The following KLK3 variants were observed in gnomAD, a reference collection of about 807,000 sequenced individuals.
KLK3 encodes prostate-specific antigen.
Under a neutral mutation model 27.7 loss-of-function variants are expected in KLK3, and 23 were observed. The observed-to-expected ratio is 0.83, with a 90% CI of 0.60 to 1.17. KLK3 has a LOEUF of 1.17. Ranked by LOEUF, KLK3 falls within the 50% of genes most tolerant of loss-of-function variation. The probability of loss-of-function intolerance (pLI) is 0.00; values close to 1 mark genes in which losing one functional copy is unlikely to be tolerated. For synonymous variants in KLK3, 142 were observed against 134.2 expected, an observed-to-expected ratio of 1.06 and a Z score of -0.40; for missense variants, 322 against 338.1, an observed-to-expected ratio of 0.95 and a Z score of 0.37.
In KLK3 at chr19:50,859,999, A is replaced by G; in HGVS notation, c.658A>G (p.Asn220Asp). ...SGDSGGPLVCNGVLQGITSWG... is the reference protein window; with the variant it reads ...SGDSGGPLVCDGVLQGITSWG... ...TGATTCTGGGGGCCCACTTGTCTGT[A>G]ATGGTGTGCTTCAAGGTATCACGTC... The change falls in exon 5 of 5, where the codon AAT becomes GAT. Residue 220 changes from asparagine to aspartate, a missense_variant. Coordinates refer to ENST00000326003, the MANE Select transcript of KLK3 (RefSeq NM_001648.2). 1.2e-6 allele frequency: 2 copies of G among 1,613,894 alleles called. No individual in the cohort carries two copies. The highest frequency in any genetic ancestry group is 1.7e-6 in the Non-Finnish European group (2 of 1,179,846).
At chr19:50,859,558 T>G in intron 4 of KLK3, 1 of 1,613,690 alleles carries the variant, frequency 6.2e-7, no homozygotes, top group East Asian at 2.2e-5. Context: ...GAACTGACCA[T>G]GCCAGCCCTG....
chr19:50,859,535 C>A, intron 4 of KLK3: 2 of 1,612,892 alleles, frequency 1.2e-6, no homozygotes, highest in South Asian at 2.2e-5. Context: ...CACAGTGGGT[C>A]ATTCTGATCA....
Position 50,858,194 on chromosome 19 carries a change from C to G in KLK3, c.372C>G (p.Leu124=). Residue 124 remains leucine (L), a synonymous_variant, in exon 3 of 5, where the codon CTC becomes CTG. Coordinates refer to ENST00000326003, the MANE Select transcript of KLK3 (RefSeq NM_001648.2). ...GDDSSHDLML[L]RLSEPAELTD... ...ACTCCAGCCACGACCTCATGCTGCT[C>G]CGCCTGTCAGAGCCTGCCGAGCTCA... is the stretch of plus-strand genomic sequence containing the variant. 1 of 1,614,266 alleles carries G rather than the reference C, an allele frequency of 6.2e-7. No individual in the cohort carries two copies. Among genetic ancestry groups the G allele is most frequent in the African/African-American group, 1.3e-5 (1 of 75,064 alleles).
Position 50,860,116 on chromosome 19 carries a change from G to A in KLK3, c.775G>A (p.Ala259Thr), listed in dbSNP as rs2090175807. 2 of 1,612,986 alleles carry A rather than the reference G, an allele frequency of 1.2e-6. No homozygotes were observed. Among genetic ancestry groups the A allele is most frequent in the Non-Finnish European group, 1.7e-6 (2 of 1,179,282 alleles). The change falls in exon 5 of 5, where the codon GCC becomes ACC. Residue 259 changes from alanine (A) to threonine (T), a missense_variant. Physicochemically the swap from Ala to Thr is moderately conservative, Grantham distance 58. Coordinates refer to ENST00000326003, the MANE Select transcript of KLK3 (RefSeq NM_001648.2). ...GAAGTGGATCAAGGACACCATCGTG[G>A]CCAACCCCTGAGCACCCCTATCAAC... The part of the protein sequence containing the change: ...YRKWIKDTIV[A>T]NP
In KLK3 at chr19:50,858,327, C is replaced by A. The variant is rs764030989; in HGVS notation, c.493+12C>A. 6.2e-6 allele frequency: 10 copies of A among 1,608,668 alleles called. No homozygotes were observed. Among genetic ancestry groups the A allele is most frequent in the Non-Finnish European group, 8.5e-6 (10 of 1,176,694 alleles). On this transcript the variant is annotated intron_variant, in intron 3 of 4. Coordinates refer to ENST00000326003, the MANE Select transcript of KLK3 (RefSeq NM_001648.2). ...TGAACCAGAGGAGTGTACGCCTGGG[C>A]CAGATGGTGCAGCCGGGAGCCCAGA...
chr19:50,859,331 G>C (rs74459584), intron 4 of KLK3, among the ~76,000 whole-genome samples: 1 of 151,814 alleles, frequency 6.6e-6, no homozygotes, highest in African/African-American at 2.4e-5. Flanking sequence ...CCTGGCTCAG[G>C]TGTCCAGAGG....
intron 1 of KLK3, chr19:50,855,210 C>T (rs1411062092): frequency 1.7e-5 from 10 of 580,892 alleles, no homozygotes; most frequent in East Asian, 1.4e-4. Context: ...CTCCCTCCCA[C>T]TTACCCCAGA....
Position 50,860,130 on chromosome 19 carries a change from A to T in KLK3, c.*3A>T. 6.2e-7 allele frequency: 1 copy of T among 1,602,108 alleles called. No individual in the cohort carries two copies. ...ACACCATCGTGGCCAACCCCTGAGC[A>T]CCCCTATCAACCCCCTATTGTAGTA... is the stretch of plus-strand genomic sequence containing the variant. On this transcript the variant is annotated 3_prime_UTR_variant, in exon 5 of 5. Coordinates refer to ENST00000326003, the MANE Select transcript of KLK3 (RefSeq NM_001648.2).
At chr19:50,855,186 A>T in intron 1 of KLK3, 185 bp downstream of exon 1, 1 of 601,438 alleles carries the variant, frequency 1.7e-6, no homozygotes. Context: ...CCTCACTCCC[A>T]CACCAGGTCC....
intron 4 of KLK3, among the ~76,000 whole-genome samples, chr19:50,859,237 GCC>G (rs2090168927): frequency 6.6e-6 from 1 of 152,122 alleles, no homozygotes; most frequent in South Asian, 2.1e-4. Context: ...CTCCTGCAGG[GCC>G]TCACCTGGGC....
Position 50,859,991 on chromosome 19 carries a change from T to A in KLK3, c.650T>A (p.Leu217His). The change falls in exon 5 of 5, where the codon CTT becomes CAT. Residue 217 changes from leucine to histidine, a missense_variant. Coordinates refer to ENST00000326003, the MANE Select transcript of KLK3 (RefSeq NM_001648.2). The part of the protein sequence containing the change: ...STCSGDSGGP[L>H]VCNGVLQGIT... ...CCTTAGGGTGATTCTGGGGGCCCAC[T>A]TGTCTGTAATGGTGTGCTTCAAGGT... 1.2e-6 allele frequency: 2 copies of A among 1,613,312 alleles called. 1 individual carries two copies. Among genetic ancestry groups the A allele is most frequent in the Non-Finnish European group, 1.7e-6 (2 of 1,179,412 alleles).
chr19:50,858,564 G>A lies in KLK3; in HGVS notation c.599G>A (p.Gly200Glu). ...GTGACCAAGTTCATGCTGTGTGCTG[G>A]ACGCTGGACAGGGGGCAAAAGCACC... ...QKVTKFMLCA[G>E]RWTGGKSTCS... The change falls in exon 4 of 5, where the codon GGA becomes GAA. Residue 200 changes from glycine (G) to glutamate (E), a missense_variant. Physicochemically the swap from Gly to Glu is moderately conservative, Grantham distance 98 (BLOSUM62 -2). Transcript: ENST00000326003. 1 of 1,614,214 alleles carries A rather than the reference G, an allele frequency of 6.2e-7. No individual in the cohort carries two copies. The highest frequency in any genetic ancestry group is 2.2e-5 in the East Asian group (1 of 44,876).
chr19:50,859,337 A>G (rs572039163), intron 4 of KLK3, among the ~76,000 whole-genome samples: 27 of 114,964 alleles, frequency 2.3e-4, no homozygotes, highest in African/African-American at 8.4e-4. Flanking sequence ...TCAGGTGTCC[A>G]GAGGCTGCCG....
In KLK3 at chr19:50,856,400, G is replaced by A; in HGVS notation, c.206+1G>A. 6.2e-7 allele frequency: 1 copy of A among 1,613,512 alleles called. No individual in the cohort carries two copies. Among genetic ancestry groups the A allele is most frequent in the African/African-American group, 1.3e-5 (1 of 75,020 alleles). ...TCACAGCTGCCCACTGCATCAGGAAGTGAGTAGGGGCCTGGGGTCTGGGGA... is the reference window on the plus strand; with the variant it reads ...TCACAGCTGCCCACTGCATCAGGAAATGAGTAGGGGCCTGGGGTCTGGGGA... On this transcript the variant is annotated splice_donor_variant, in intron 2 of 4. Transcript: ENST00000326003. LOFTEE classifies it high-confidence loss of function.
chr19:50,859,770 C>T (rs2659122), intron 4 of KLK3: 1,043,420 of 1,474,608 alleles, frequency 0.71, 372,720 homozygotes, highest in Non-Finnish European at 0.73. Flanking sequence ...GTCCCTTCCC[C>T]ACCGGCCAGG....
At chr19:50,857,659 T>G in intron 2 of KLK3, 1 of 179,336 alleles carries the variant, frequency 5.6e-6, no homozygotes. Flanking sequence ...CTGCCTGGTT[T>G]TGTTCTTCTC....
intron 1 of KLK3, 26 bp downstream of exon 1, chr19:50,855,027 T>G: frequency 6.2e-7 from 1 of 1,612,640 alleles, no homozygotes; most frequent in East Asian, 2.2e-5. Flanking sequence ...GTTGGGGGGA[T>G]GCAGGAGAGG....
intron 2 of KLK3, 40 bp from the exon 3 acceptor site, chr19:50,857,989 T>G: frequency 6.4e-7 from 1 of 1,565,670 alleles, no homozygotes; most frequent in Non-Finnish European, 8.6e-7. Context: ...TCTTTCCTTA[T>G]CATCCTCGCT....
intron 1 of KLK3, chr19:50,855,261 GC>G: frequency 1.8e-6 from 1 of 543,180 alleles, no homozygotes; most frequent in Non-Finnish European, 3.3e-6. Context: ...GCTCCCAGCT[GC>G]TTTACTAAAG....
Sources: allele counts gnomAD v4.1 joint callset (sites outside exome capture counted in the v4.1 genomes callset), GRCh38; gene constraint gnomAD v4.1.1; transcripts MANE v1.5; gene names NCBI Gene and HGNC (gene_info 2026-07-23, HGNC 2026-07-21).